The following NUP210L variants were observed in gnomAD, a reference collection of about 807,000 sequenced individuals.
NUP210L encodes the protein nuclear pore membrane glycoprotein 210-like.
Under a neutral mutation model 208.5 loss-of-function variants are expected in NUP210L, and 74 were observed. The observed-to-expected ratio is 0.35, with a 90% CI of 0.29 to 0.43. The LOEUF (loss-of-function observed/expected upper bound fraction) is 0.43, where lower values mean the gene tolerates loss of function less well. NUP210L is among the 20% of genes least tolerant of loss of function. The pLI is 1.00. For synonymous variants in NUP210L, 780 were observed against 816.9 expected (o/e 0.95, Z 0.77); for missense variants, 1,843 against 2,289.4 (o/e 0.81, Z 3.98).
intron 29 of NUP210L, among the ~76,000 whole-genome samples, chr1:154,027,080 C>CAAAAAAAAAAA (rs59626984): frequency 9.8e-5 from 10 of 101,748 alleles, no homozygotes; most frequent in East Asian, 2.9e-4. Flanking sequence ...GAGACTGTCT[C>CAAAAAAAAAAA]AAAAAAAAAA....
At chr1:154,146,619 TC>T (rs1178482684) in intron 2 of NUP210L, among the ~76,000 whole-genome samples, 1 of 76,920 alleles carries the variant, frequency 1.3e-5, no homozygotes, top group Non-Finnish European at 2.5e-5. Context: ...CCATCCCCCC[TC>T]CCCCCCCCAC....
intron 10 of NUP210L, among the ~76,000 whole-genome samples, chr1:154,121,596 G>A (rs1160554763): frequency 6.6e-6 from 1 of 152,202 alleles, no homozygotes; most frequent in Non-Finnish European, 1.5e-5. Flanking sequence ...GCTGAAAGCG[G>A]TGGCTCACGC....
intron 20 of NUP210L, among the ~76,000 whole-genome samples, chr1:154,059,559 G>C (rs1654035203): frequency 6.6e-6 from 1 of 152,080 alleles, no homozygotes; most frequent in Non-Finnish European, 1.5e-5. Flanking sequence ...AATTCAAGCA[G>C]AATCCAACAT....
At chr1:154,146,087 T>A (rs2148152502) in intron 2 of NUP210L, among the ~76,000 whole-genome samples, 1 of 152,180 alleles carries the variant, frequency 6.6e-6, no homozygotes, top group Non-Finnish European at 1.5e-5. Flanking sequence ...AAGAAATGGC[T>A]AAGATGACCC....
chr1:153,995,412 CCTT>C (rs1196940149), intron 37 of NUP210L, among the ~76,000 whole-genome samples: 3 of 152,140 alleles, frequency 2.0e-5, no homozygotes, highest in African/African-American at 4.8e-5. Flanking sequence ...CAAAACCCAG[CCTT>C]CTTAGTAAGA....
chr1:154,067,116 C>G (rs910185446), intron 17 of NUP210L, among the ~76,000 whole-genome samples: 6 of 151,996 alleles, frequency 3.9e-5, no homozygotes, highest in Non-Finnish European at 8.8e-5. Context: ...ATCCTGATAC[C>G]AACGCCTGGC....
chr1:154,068,768 T>A (rs899860435), intron 17 of NUP210L, among the ~76,000 whole-genome samples: 2 of 150,118 alleles, frequency 1.3e-5, no homozygotes, highest in Non-Finnish European at 3.0e-5. Context: ...AGGTGGGAAT[T>A]GAACAATGAG....
chr1:154,047,571 A>C (rs1408746955), intron 25 of NUP210L, among the ~76,000 whole-genome samples: 1 of 152,230 alleles, frequency 6.6e-6, no homozygotes, highest in African/African-American at 2.4e-5. Context: ...AGCATGAGCA[A>C]TCTGTGCCTT....
At chr1:154,036,817 T>TG (rs957117128) in intron 27 of NUP210L, among the ~76,000 whole-genome samples, 1 of 151,806 alleles carries the variant, frequency 6.6e-6, no homozygotes, top group African/African-American at 2.4e-5. Context: ...TAGAGTGCAG[T>TG]GGTGCAATCT....
Position 154,078,683 on chromosome 1 carries a change from A to C in NUP210L, c.2362-8218T>G, listed in dbSNP as rs541463378. Reference sequence around the variant, plus strand: ...GTAATTTATATGACAAAAACAGCACAAACAAGGGACAGGAAATGGGTTTAT... The same window carrying C: ...GTAATTTATATGACAAAAACAGCACCAACAAGGGACAGGAAATGGGTTTAT... On this transcript the variant is annotated intron_variant, in intron 16 of 39. Coordinates refer to ENST00000368559, the Ensembl canonical transcript of NUP210L. 2.1e-3 allele frequency among the ~76,000 whole-genome samples: 317 copies of C among 152,296 alleles called. 2 individuals are homozygous for C. The highest frequency in any genetic ancestry group is 3.4e-3 in the Non-Finnish European group (233 of 68,024).
chr1:154,096,228 G>A lies in NUP210L; in HGVS notation c.1966-1072C>T, dbSNP rs924980252. Among the ~76,000 whole-genome samples, 7 of 152,086 alleles carry A rather than the reference G, an allele frequency of 4.6e-5. No homozygotes were observed. The East Asian group carries it at 5.8e-4, about 13-fold the overall frequency. ...GAGTTGAAGCAATTATTCTAAAAAC[G>A]TAAGCAAACTATGCTTTCTTTTCAG... On this transcript the variant is annotated intron_variant, in intron 14 of 39. Transcript: ENST00000368559.
At chr1:154,027,050 G>A (rs540543555) in intron 29 of NUP210L, among the ~76,000 whole-genome samples, 5 of 142,566 alleles carry the variant, frequency 3.5e-5, no homozygotes, top group Non-Finnish European at 7.5e-5. Flanking sequence ...GCCACTGTGC[G>A]CTGGCCTGGG....
chr1:154,006,971 T>A (rs868110786), intron 35 of NUP210L, among the ~76,000 whole-genome samples: 1,767 of 130,666 alleles, frequency 0.014, 18 homozygotes, highest in Non-Finnish European at 0.019. Flanking sequence ...TATATATTTT[T>A]TTTTTTTTTT....
At chr1:153,993,156 T>C (rs1649575773) in intron 38 of NUP210L, 67 bp from the exon 39 acceptor site, 4 of 1,021,394 alleles carry the variant, frequency 3.9e-6, no homozygotes, top group Non-Finnish European at 5.9e-6. Context: ...AAGTCAACTC[T>C]AGAATGAGAA....
At position 154,093,004 on chromosome 1, in the gene NUP210L, C is replaced by T. The variant is rs566979544; in HGVS notation, c.2187+1931G>A. Among the ~76,000 whole-genome samples, 16 of 152,206 alleles carry T rather than the reference C, an allele frequency of 1.1e-4. No individual in the cohort carries two copies. The South Asian group carries it at 2.9e-3, about 28-fold the overall frequency. On this transcript the variant is annotated intron_variant, in intron 15 of 39. Transcript: ENST00000368559. The stretch of plus-strand genomic sequence containing the variant: ...TTCCCCAAAGTGCTGGGATTACAGG[C>T]GTGAGCCACTGTGCCCAGCCTTAGA...
At chr1:154,071,057 T>G (rs1215544456) in intron 16 of NUP210L, among the ~76,000 whole-genome samples, 2 of 151,920 alleles carry the variant, frequency 1.3e-5, no homozygotes, top group Admixed American at 6.6e-5. Context: ...TTGAATTTTT[T>G]GTAAAGTCCA....
chr1:154,130,419 C>T (rs1236759185), intron 7 of NUP210L, among the ~76,000 whole-genome samples: 3 of 151,848 alleles, frequency 2.0e-5, no homozygotes, highest in East Asian at 2.0e-4. Context: ...ACTATAGGCG[C>T]GCACCACCTC....
intron 32 of NUP210L, 70 bp downstream of exon 32, chr1:154,022,056 T>A: frequency 7.3e-7 from 1 of 1,373,976 alleles, no homozygotes; most frequent in South Asian, 1.2e-5. Flanking sequence ...AACTGCTTTT[T>A]TTTTTAATAA....
chr1:154,056,311 C>T (rs916528195), intron 23 of NUP210L, among the ~76,000 whole-genome samples: 3 of 152,040 alleles, frequency 2.0e-5, no homozygotes, highest in South Asian at 2.1e-4. Flanking sequence ...TGCACCACTA[C>T]ACATGTTTTT....
Sources: allele counts gnomAD v4.1 joint callset (sites outside exome capture counted in the v4.1 genomes callset), GRCh38; gene constraint gnomAD v4.1.1; transcripts MANE v1.5; gene names NCBI Gene and HGNC (gene_info 2026-07-23, HGNC 2026-07-21).